Variants in PCDH15 observed in about 807,000 individuals in gnomAD.
PCDH15 encodes the protein protocadherin related 15.
A neutral mutation model predicts 178.5 loss-of-function variants in PCDH15; 129 were observed. The observed-to-expected ratio is 0.72, with a 90% confidence interval of 0.63 to 0.84. The LOEUF (loss-of-function observed/expected upper bound fraction) is 0.84, where lower values mean the gene tolerates loss of function less well. PCDH15 is among the 40% of genes least tolerant of loss of function. PCDH15 has a pLI of 0.00. For missense variants in PCDH15, 2,230 were observed against 2,099.9 expected (o/e 1.06, Z -1.21); for synonymous variants, 800 against 732.0 (o/e 1.09, Z -1.50).
chr10:55,227,844 G>C (rs1447710807), intron 1 of PCDH15, among the ~76,000 whole-genome samples: 1 of 152,016 alleles, frequency 6.6e-6, no homozygotes, highest in Non-Finnish European at 1.5e-5. Context: ...AAGAGAAGGA[G>C]TAGTGAAAAA....
At chr10:55,451,806 C>CTAT (rs1282145719) in intron 2 of PCDH15, among the ~76,000 whole-genome samples, 1 of 152,132 alleles carries the variant, frequency 6.6e-6, no homozygotes, top group Non-Finnish European at 1.5e-5. Context: ...ACACATCTAT[C>CTAT]TATTACCTAT....
At chr10:54,308,214 G>C (rs181442381) in intron 8 of PCDH15, among the ~76,000 whole-genome samples, 1 of 152,082 alleles carries the variant, frequency 6.6e-6, no homozygotes, top group African/African-American at 2.4e-5. Flanking sequence ...GAATAAATGT[G>C]TAGGAAAACT....
intron 2 of PCDH15, among the ~76,000 whole-genome samples, chr10:55,353,201 T>C (rs1234969957): frequency 6.6e-6 from 1 of 152,024 alleles, no homozygotes; most frequent in Non-Finnish European, 1.5e-5. Flanking sequence ...TCCCAAGAGG[T>C]CGTCAAATCC....
chr10:54,383,477 G>A (rs72801273), intron 3 of PCDH15, among the ~76,000 whole-genome samples: 2 of 151,932 alleles, frequency 1.3e-5, no homozygotes, highest in African/African-American at 2.4e-5. Context: ...ATAGAAAGAC[G>A]TTCAGGGAAT....
chr10:54,114,648 C>T (rs1362136278), intron 15 of PCDH15, among the ~76,000 whole-genome samples: 1 of 152,078 alleles, frequency 6.6e-6, no homozygotes. Context: ...GAAAGCACAG[C>T]ATGTTGGAAT....
intron 15 of PCDH15, among the ~76,000 whole-genome samples, chr10:54,130,192 A>T (rs2042312795): frequency 6.6e-6 from 1 of 152,202 alleles, no homozygotes; most frequent in Non-Finnish European, 1.5e-5. Context: ...CGAGGAAATT[A>T]GCTCTATATT....
intron 2 of PCDH15, among the ~76,000 whole-genome samples, chr10:55,588,513 T>C (rs1436688616): frequency 6.6e-6 from 1 of 152,168 alleles, no homozygotes; most frequent in East Asian, 1.9e-4. Context: ...TGAGATGGTG[T>C]GTCTTAGTTC....
At chr10:54,455,679 T>C (rs1005481098) in intron 3 of PCDH15, among the ~76,000 whole-genome samples, 2 of 152,172 alleles carry the variant, frequency 1.3e-5, no homozygotes, top group Non-Finnish European at 1.5e-5. Context: ...TCTCATTTTC[T>C]GGGGAGAAAT....
chr10:54,500,499 T>G (rs2080567063), intron 3 of PCDH15, among the ~76,000 whole-genome samples: 1 of 152,022 alleles, frequency 6.6e-6, no homozygotes, highest in Admixed American at 6.6e-5. Context: ...TTACTGTCAC[T>G]TAGGAGAGGA....
At chr10:54,028,996 G>A (rs1163863245) in intron 18 of PCDH15, among the ~76,000 whole-genome samples, 1 of 152,070 alleles carries the variant, frequency 6.6e-6, no homozygotes, top group Admixed American at 6.6e-5. Flanking sequence ...ATTTTAAGGT[G>A]ACTGAGACAC....
At chr10:55,113,268 T>C (rs1837553198) in intron 2 of PCDH15, among the ~76,000 whole-genome samples, 2 of 152,202 alleles carry the variant, frequency 1.3e-5, no homozygotes, top group Admixed American at 1.3e-4. Flanking sequence ...TATTCATATT[T>C]TCTTGGTGTT....
rs576365655 is a variant in PCDH15 at position 55,314,538 on chromosome 10, C to T, written c.-156+5061G>A. Among the ~76,000 whole-genome samples the T allele has an allele frequency of 6.6e-5, 10 of 150,832 alleles. No homozygotes were observed. In the South Asian group the frequency reaches 1.3e-3, roughly 19 times the overall value. On this transcript the variant is annotated intron_variant, in intron 1 of 5. Transcript: ENST00000458638. ...TATCCGACACTGCCTGGGTTTGTCG[C>T]CACAATATTCGTCATTATATATATT...
At chr10:53,892,029 T>TG (rs914873020) in intron 26 of PCDH15, among the ~76,000 whole-genome samples, 9 of 143,786 alleles carry the variant, frequency 6.3e-5, no homozygotes, top group Non-Finnish European at 1.2e-4. Context: ...TGTTTTTTTT[T>TG]TTTTTTTTTT....
chr10:54,960,585 A>G (rs1359052388), intron 2 of PCDH15, among the ~76,000 whole-genome samples: 2 of 152,186 alleles, frequency 1.3e-5, no homozygotes, highest in African/African-American at 4.8e-5. Flanking sequence ...ATAAAAAAAG[A>G]TTAAGTAACA....
intron 2 of PCDH15, among the ~76,000 whole-genome samples, chr10:54,948,957 C>T (rs1838261432): frequency 6.6e-6 from 1 of 151,634 alleles, no homozygotes; most frequent in Non-Finnish European, 1.5e-5. Flanking sequence ...TTTAAGATTC[C>T]ACACATAAAA....
At chr10:55,159,006 C>T (rs1303779160) in intron 2 of PCDH15, among the ~76,000 whole-genome samples, 2 of 151,902 alleles carry the variant, frequency 1.3e-5, no homozygotes, top group Non-Finnish European at 2.9e-5. Context: ...CAAACCTACG[C>T]AGTGTGAAGG....
chr10:54,788,328 T>C (rs1260516248), intron 1 of PCDH15, among the ~76,000 whole-genome samples: 1 of 151,844 alleles, frequency 6.6e-6, no homozygotes, highest in East Asian at 1.9e-4. Flanking sequence ...TGAACTTAGT[T>C]TTACACCTTA....
intron 2 of PCDH15, among the ~76,000 whole-genome samples, chr10:54,946,866 G>A (rs1181114199): frequency 6.6e-6 from 1 of 151,786 alleles, no homozygotes; most frequent in Non-Finnish European, 1.5e-5. Context: ...GAGGTAAATA[G>A]ATAATTCAAT....
chr10:54,009,582 G>A (rs2092504611), intron 20 of PCDH15, among the ~76,000 whole-genome samples: 1 of 152,184 alleles, frequency 6.6e-6, no homozygotes, highest in Admixed American at 6.5e-5. Context: ...CTGGCGAGTG[G>A]ACACTAGCTC....
Sources: gnomAD v4.1 joint callset for allele counts (sites outside exome capture counted in the v4.1 genomes callset) on GRCh38, gnomAD v4.1.1 for gene constraint, MANE v1.5 for transcripts, NCBI Gene and HGNC (gene_info 2026-07-23, HGNC 2026-07-21) for gene names.